Variants in THRAP3 observed in about 807,000 individuals in gnomAD.
THRAP3 encodes the protein thyroid hormone receptor-associated protein 3.
Under a neutral mutation model 101.0 loss-of-function variants are expected in THRAP3, and 16 were observed. That is an observed-to-expected ratio of 0.16 (90% CI 0.11 to 0.24). The LOEUF (loss-of-function observed/expected upper bound fraction) is 0.24, where lower values mean the gene tolerates loss of function less well. Ranked by LOEUF, THRAP3 falls within the 10% of genes least tolerant of loss-of-function variation. THRAP3 has a pLI of 1.00. For missense variants in THRAP3, 989 were observed against 1,202.7 expected (o/e 0.82, Z 2.63); for synonymous variants, 407 against 422.6 (o/e 0.96, Z 0.45).
Position 36,293,874 on chromosome 1 carries a change from C to T in THRAP3, c.2054C>T (p.Thr685Ile), listed in dbSNP as rs144597647. The T allele has an allele frequency of 6.8e-6, 11 of 1,613,326 alleles. No individual in the cohort carries two copies. Among genetic ancestry groups the T allele is most frequent in the African/African-American group, 2.7e-5 (2 of 74,874 alleles). The change falls in exon 8 of 12, where the codon ACA (threonine) becomes ATA (isoleucine). Residue 685 changes from threonine to isoleucine, a missense_variant. By Grantham distance (89) the Thr-to-Ile change is moderately conservative. Transcript: ENST00000354618. Reference protein sequence around the residue: ...IHRRIDISPSTFRKHGLAHDE... With the variant: ...IHRRIDISPSIFRKHGLAHDE... ...AGGAGAATAGACATTTCCCCCAGTACATTCAGAAAACATGGTTTGGCTCAT... is the reference window on the plus strand; with the variant it reads ...AGGAGAATAGACATTTCCCCCAGTATATTCAGAAAACATGGTTTGGCTCAT...
chr1:36,255,357 T>C (rs1645359396), intron 1 of THRAP3, among the ~76,000 whole-genome samples: 2 of 151,668 alleles, frequency 1.3e-5, no homozygotes, highest in South Asian at 2.1e-4. Flanking sequence ...GGCCGGGTAC[T>C]GTGGCTCGCA....
At chr1:36,293,033 T>TTTTTTTTTG (rs756969374) in intron 7 of THRAP3, among the ~76,000 whole-genome samples, 1 of 115,386 alleles carries the variant, frequency 8.7e-6, no homozygotes, top group African/African-American at 3.1e-5. Flanking sequence ...CTTGTCTTTT[T>TTTTTTTTTG]TTTTTTTTTT....
At chr1:36,243,470 C>T (rs557756835) in intron 1 of THRAP3, among the ~76,000 whole-genome samples, 1 of 152,134 alleles carries the variant, frequency 6.6e-6, no homozygotes, top group African/African-American at 2.4e-5. Context: ...TCCATTCAAC[C>T]CTGAGTGGAT....
At chr1:36,234,476 T>C (rs958984896) in intron 1 of THRAP3, among the ~76,000 whole-genome samples, 1 of 152,176 alleles carries the variant, frequency 6.6e-6, no homozygotes, top group African/African-American at 2.4e-5. Flanking sequence ...AGTGTTTGGA[T>C]ATATAGAAGA....
intron 4 of THRAP3, 194 bp downstream of exon 4, chr1:36,287,464 AT>A: frequency 2.0e-6 from 2 of 985,402 alleles, no homozygotes; most frequent in Non-Finnish European, 2.4e-6. Flanking sequence ...ACCTTCCTGA[AT>A]TTGTATTGCA....
intron 1 of THRAP3, among the ~76,000 whole-genome samples, chr1:36,237,145 A>T (rs909027450): frequency 1.3e-5 from 2 of 151,326 alleles, no homozygotes; most frequent in African/African-American, 4.9e-5. Flanking sequence ...TTGGGCAATA[A>T]GAGTGAAACT....
chr1:36,237,015 A>G (rs1032530097), intron 1 of THRAP3, among the ~76,000 whole-genome samples: 1 of 152,270 alleles, frequency 6.6e-6, no homozygotes, highest in Non-Finnish European at 1.5e-5. Context: ...TGTCTCTACT[A>G]AAAACACAAA....
chr1:36,260,504 C>T (rs1474000454), intron 2 of THRAP3, among the ~76,000 whole-genome samples: 1 of 152,066 alleles, frequency 6.6e-6, no homozygotes, highest in Non-Finnish European at 1.5e-5. Context: ...GTAGGCTTAC[C>T]TGACCACCTC....
intron 2 of THRAP3, among the ~76,000 whole-genome samples, chr1:36,276,881 G>A (rs1260077716): frequency 6.6e-6 from 1 of 152,072 alleles, no homozygotes; most frequent in Non-Finnish European, 1.5e-5. Flanking sequence ...AAGAAAAAAA[G>A]TGAAAAGAAA....
At chr1:36,283,538 T>C (rs958285630) in intron 3 of THRAP3, among the ~76,000 whole-genome samples, 1 of 152,244 alleles carries the variant, frequency 6.6e-6, no homozygotes, top group African/African-American at 2.4e-5. Context: ...TGAAGAGGAA[T>C]CTTTGTACAT....
chr1:36,252,516 C>T lies in THRAP3; in HGVS notation c.-134-6866C>T, dbSNP rs1440970797. On this transcript the variant is annotated intron_variant, in intron 1 of 11. Transcript: ENST00000354618. ...GATAACCTTTCCAAAGGGTCAGATACTTTAGGCTTTGCTGGCCAAGAGGCA... is the reference window on the plus strand; with the variant it reads ...GATAACCTTTCCAAAGGGTCAGATATTTTAGGCTTTGCTGGCCAAGAGGCA... Among the ~76,000 whole-genome samples the T allele has an allele frequency of 2.0e-5, 3 of 152,276 alleles. No homozygotes were observed. In the East Asian group the frequency reaches 5.8e-4, roughly 29 times the overall value.
At chr1:36,217,337 G>A in the THRAP3 span, among the ~76,000 whole-genome samples, 2 of 152,172 alleles carry the variant, frequency 1.3e-5, no homozygotes, top group Non-Finnish European at 2.9e-5. Flanking sequence ...GCTTAAAAGA[G>A]ATGTAAAGCT....
intron 2 of THRAP3, among the ~76,000 whole-genome samples, chr1:36,265,910 T>A (rs1292646214): frequency 6.6e-6 from 1 of 151,988 alleles, no homozygotes; most frequent in Non-Finnish European, 1.5e-5. Context: ...TCCCAACACT[T>A]TGGGAGGCTG....
At chr1:36,219,618 C>T (rs527778634), upstream of THRAP3, among the ~76,000 whole-genome samples, 54 of 150,952 alleles carry the variant, frequency 3.6e-4, no homozygotes, top group African/African-American at 1.1e-3. Flanking sequence ...AAAGTAGAGA[C>T]GGGGTTTCAC....
At chr1:36,302,289 T>C (rs1481222740) in intron 11 of THRAP3, among the ~76,000 whole-genome samples, 4 of 152,358 alleles carry the variant, frequency 2.6e-5, no homozygotes, top group South Asian at 4.1e-4. Context: ...GTGAGTGTTA[T>C]AACTAAGGTA....
chr1:36,289,859 T>TCTGTCTTAAGCTTCAGTGGTGATA, intron 5 of THRAP3, 95 bp downstream of exon 5: 1 of 1,459,898 alleles, frequency 6.8e-7, no homozygotes, highest in Non-Finnish European at 9.1e-7. Context: ...TATTCCCCCT[T>TCTGTCTTAAGCTTCAGTGGTGATA]CTGTCTTAAG....
chr1:36,295,999 A>G (rs1329205746), intron 8 of THRAP3, among the ~76,000 whole-genome samples: 1 of 70,264 alleles, frequency 1.4e-5, no homozygotes, highest in Non-Finnish European at 2.5e-5. Context: ...TTTGAGAGAT[A>G]GTCTTGTTCT....
intron 2 of THRAP3, 75 bp from the exon 3 acceptor site, chr1:36,282,457 GT>G (rs1224280996): frequency 9.7e-7 from 1 of 1,032,428 alleles, no homozygotes; most frequent in African/African-American, 1.6e-5. Flanking sequence ...AAAGAAATGT[GT>G]TTCTAAAATG....
intron 2 of THRAP3, among the ~76,000 whole-genome samples, chr1:36,261,026 T>C (rs1401218486): frequency 6.6e-6 from 1 of 152,220 alleles, no homozygotes; most frequent in East Asian, 1.9e-4. Context: ...TCTATGTCTT[T>C]ATCAGTAATT....
Sources: gnomAD v4.1 joint callset for allele counts (sites outside exome capture counted in the v4.1 genomes callset) on GRCh38, gnomAD v4.1.1 for gene constraint, MANE v1.5 for transcripts, NCBI Gene and HGNC (gene_info 2026-07-23, HGNC 2026-07-21) for gene names.